CFAP52: variants seen among roughly 807,000 people sequenced by gnomAD.
The protein encoded by CFAP52 is cilia- and flagella-associated protein 52.
CFAP52 carries 57 observed loss-of-function variants against 70.5 expected under a neutral mutation model. The observed-to-expected ratio is 0.81, with a 90% confidence interval of 0.65 to 1.01. The LOEUF (loss-of-function observed/expected upper bound fraction) is 1.01. CFAP52 is among the 50% of genes least tolerant of loss of function. CFAP52 has a pLI of 0.00. For missense variants in CFAP52, 785 were observed against 788.5 expected, an observed-to-expected ratio of 1.00 and a Z score of 0.05; for synonymous variants, 267 against 292.5, an observed-to-expected ratio of 0.91 and a Z score of 0.89.
intron 6 of CFAP52, among the ~76,000 whole-genome samples, chr17:9,602,262 G>T (rs1273014928): frequency 6.6e-6 from 1 of 152,104 alleles, no homozygotes; most frequent in African/African-American, 2.4e-5. Context: ...TTCTCTTAAT[G>T]CTATCCCTTT....
chr17:9,640,397 C>A (rs376487614), intron 12 of CFAP52, among the ~76,000 whole-genome samples: 2 of 150,584 alleles, frequency 1.3e-5, no homozygotes, highest in African/African-American at 4.9e-5. Context: ...CCTCCCCCCA[C>A]CCACCACCCC....
intron 1 of CFAP52, 105 bp from the exon 2 acceptor site, chr17:9,585,668 G>GTCAC (rs1278045799): frequency 8.7e-7 from 1 of 1,150,324 alleles, no homozygotes; most frequent in Non-Finnish European, 1.3e-6. Context: ...GCAAGACTCT[G>GTCAC]TCACACACAC....
chr17:9,606,544 G>T (rs1300279042), intron 6 of CFAP52, among the ~76,000 whole-genome samples: 1 of 152,194 alleles, frequency 6.6e-6, no homozygotes, highest in Non-Finnish European at 1.5e-5. Context: ...CTGCTTTACA[G>T]ATGAGAAAAC....
downstream of CFAP52, among the ~76,000 whole-genome samples, chr17:9,643,732 GCATC>G (rs1313994410): frequency 2.0e-5 from 3 of 152,224 alleles, no homozygotes. Context: ...ATGTACTAAA[GCATC>G]GGCAGAATTC....
rs1295087922 is a variant in CFAP52 at position 9,586,757 on chromosome 17, C to T, written c.330C>T (p.His110=). ...NRELLARLSL[H]KGKIEALAFS... ...AGCTGCTTGCTCGGCTGTCCCTTCACAAAGGCAAAATTGAAGCTCTGGCCT... is the reference window on the plus strand; with the variant it reads ...AGCTGCTTGCTCGGCTGTCCCTTCATAAAGGCAAAATTGAAGCTCTGGCCT... The change falls in exon 3 of 14, where the codon CAC becomes CAT. Residue 110 remains histidine (H), a synonymous_variant. Coordinates refer to ENST00000352665, the MANE Select transcript of CFAP52 (RefSeq NM_145054.5). 10 of 1,613,900 alleles carry T rather than the reference C, an allele frequency of 6.2e-6. No homozygotes were observed. The highest frequency in any genetic ancestry group is 8.5e-6 in the Non-Finnish European group (10 of 1,179,958).
At chr17:9,614,190 T>C (rs1357227296) in intron 8 of CFAP52, among the ~76,000 whole-genome samples, 4 of 144,532 alleles carry the variant, frequency 2.8e-5, no homozygotes, top group Admixed American at 1.5e-4. Flanking sequence ...TGAGTCTCGC[T>C]CTGTTGCCAT....
chr17:9,586,828 A>G lies in CFAP52; in HGVS notation c.401A>G (p.Asp134Gly). Residue 134 changes from aspartate to glycine, a missense_variant, in exon 3 of 14, where the codon GAC becomes GGC. Asp to Gly is a moderately conservative substitution (Grantham distance 94, BLOSUM62 -1). Transcript: ENST00000352665. ...LYLVSLGGPD[D>G]GSVVVWSIAK... is the part of the protein sequence containing the mutation. The stretch of plus-strand genomic sequence containing the variant: ...TTGGTATCACTAGGAGGCCCAGATG[A>G]CGGAAGGTAATGAACTAAACATAGT... 6.2e-7 allele frequency: 1 copy of G among 1,601,436 alleles called. No individual in the cohort carries two copies. Among genetic ancestry groups the G allele is most frequent in the Non-Finnish European group, 8.5e-7 (1 of 1,176,460 alleles).
At position 9,598,215 on chromosome 17, in the gene CFAP52, G is replaced by GC. The variant is rs1909104188; in HGVS notation, c.537-19_537-18insC. The GC allele has an allele frequency of 4.1e-6, 5 of 1,231,870 alleles. No homozygotes were observed. The highest frequency in any genetic ancestry group is 4.3e-5 in the Admixed American group (2 of 46,292). 76.3% of individuals were successfully genotyped at this position (1,231,870 alleles called of 1,614,324 possible). ...GGTGTCCATTTGATTGTGGTTTTTT[G>GC]TTTTTTTTTTTTACATAGTGGGACA... On this transcript the variant is annotated intron_variant, in intron 4 of 13. Transcript: ENST00000352665.
intron 2 of CFAP52, 28 bp from the exon 3 acceptor site, chr17:9,586,670 T>C (rs367783574): frequency 2.0e-5 from 32 of 1,587,170 alleles, no homozygotes; most frequent in Non-Finnish European, 2.6e-5. Flanking sequence ...TGCCTCCCTA[T>C]GATCTGACGG....
intron 9 of CFAP52, among the ~76,000 whole-genome samples, chr17:9,631,016 AAGAAAGAAAGAAAG>A (rs1435466179): frequency 5.9e-5 from 3 of 51,142 alleles, no homozygotes; most frequent in African/African-American, 4.0e-4. Flanking sequence ...GAAAGAAAGA[AAGAAAGAAAGAAAG>A]AGAGAGAGAG....
chr17:9,585,750 T>C, intron 1 of CFAP52, 23 bp from the exon 2 acceptor site: 1 of 1,612,442 alleles, frequency 6.2e-7, no homozygotes, highest in Non-Finnish European at 8.5e-7. Flanking sequence ...TGATTATTAT[T>C]ACTGTGAATC....
At chr17:9,638,788 G>A (rs542941463) in intron 12 of CFAP52, 77 bp downstream of exon 12, 2 of 1,436,236 alleles carry the variant, frequency 1.4e-6, no homozygotes, top group East Asian at 2.3e-5. Context: ...GAGGGTGCGG[G>A]CTCTGGAGTC....
At position 9,643,027 on chromosome 17, in the gene CFAP52, A is replaced by C. The variant is rs36018005; in HGVS notation, c.1692A>C (p.Gly564=). The C allele has an allele frequency of 2.0e-3, 3,231 of 1,598,242 alleles. 66 individuals carry two copies. In the African/African-American group the frequency reaches 0.039, roughly 19 times the overall value. ...ATACGTGTTTATCTTTTTCAGGTGG[A>C]AATGACCATCTGGTCAAAGTTTGGG... is the stretch of plus-strand genomic sequence containing the variant. The part of the protein sequence containing the change: ...TQEGVHFVTG[G]NDHLVKVWDY... Residue 564 remains glycine (G), a synonymous_variant, in exon 14 of 14, where the codon GGA becomes GGC. Transcript: ENST00000352665.
intron 3 of CFAP52, among the ~76,000 whole-genome samples, chr17:9,588,626 A>G (rs890723077): frequency 6.6e-6 from 1 of 152,124 alleles, no homozygotes; most frequent in African/African-American, 2.4e-5. Context: ...GACAGCATCC[A>G]TATCTTGTTT....
intron 11 of CFAP52, among the ~76,000 whole-genome samples, chr17:9,637,987 G>A (rs761659701): frequency 6.6e-6 from 1 of 152,164 alleles, no homozygotes; most frequent in Non-Finnish European, 1.5e-5. Flanking sequence ...TCTTGGGAGG[G>A]ACTTCTTACC....
intron 4 of CFAP52, among the ~76,000 whole-genome samples, chr17:9,597,821 G>C (rs1702226015): frequency 6.6e-6 from 1 of 151,096 alleles, no homozygotes; most frequent in South Asian, 2.1e-4. Context: ...GAGAGAGAGA[G>C]AGAGAGAGAA....
chr17:9,591,210 C>T (rs9913344), intron 3 of CFAP52, among the ~76,000 whole-genome samples: 150,809 of 151,760 alleles, frequency 0.99, 74,941 homozygotes, highest in East Asian at 1. Context: ...GCTAATTTTG[C>T]ATTTTTAGTA....
chr17:9,607,209 G>A (rs1165779599), intron 6 of CFAP52, among the ~76,000 whole-genome samples: 1 of 152,152 alleles, frequency 6.6e-6, no homozygotes, highest in Non-Finnish European at 1.5e-5. Context: ...AACCAGGCAT[G>A]ATGGCGCATG....
chr17:9,627,385 C>T (rs1257243472), intron 8 of CFAP52, among the ~76,000 whole-genome samples: 4 of 152,212 alleles, frequency 2.6e-5, no homozygotes, highest in African/African-American at 9.6e-5. Context: ...GTGGCACATG[C>T]CTGTAATCCC....
Sources: gnomAD v4.1 joint callset for allele counts (sites outside exome capture counted in the v4.1 genomes callset) on GRCh38, gnomAD v4.1.1 for gene constraint, MANE v1.5 for transcripts, NCBI Gene and HGNC (gene_info 2026-07-23, HGNC 2026-07-21) for gene names.